The following STK32A variants were observed in gnomAD, a reference collection of about 807,000 sequenced individuals.
STK32A encodes the protein serine/threonine kinase 32A.
Under a neutral mutation model 53.2 loss-of-function variants are expected in STK32A, and 41 were observed. That is an observed-to-expected ratio of 0.77 (90% CI 0.60 to 1.00). STK32A has a LOEUF of 1.00. Ranked by LOEUF, STK32A falls within the 50% of genes least tolerant of loss-of-function variation. STK32A has a pLI of 0.00. For missense variants in STK32A, 458 were observed against 485.8 expected (o/e 0.94, Z 0.54); for synonymous variants, 166 against 162.8 (o/e 1.02, Z -0.15).
chr5:147,236,601 T>C (rs1461363955), intron 1 of STK32A, among the ~76,000 whole-genome samples: 1 of 152,126 alleles, frequency 6.6e-6, no homozygotes, highest in African/African-American at 2.4e-5. Flanking sequence ...CTGGATTGTG[T>C]ATGTTAGGTG....
chr5:147,318,140 G>T (rs116218612), intron 4 of STK32A, among the ~76,000 whole-genome samples: 3,199 of 151,756 alleles, frequency 0.021, 111 homozygotes, highest in African/African-American at 0.074. Flanking sequence ...TCCTTTTTAT[G>T]TACCTAAGCA....
chr5:147,333,256 T>C (rs1754959542), intron 5 of STK32A, among the ~76,000 whole-genome samples: 1 of 152,198 alleles, frequency 6.6e-6, no homozygotes, highest in South Asian at 2.1e-4. Flanking sequence ...TTTTGACTTA[T>C]AAATTTTCAG....
At chr5:147,298,967 A>C (rs1295851693) in intron 4 of STK32A, among the ~76,000 whole-genome samples, 1 of 152,120 alleles carries the variant, frequency 6.6e-6, no homozygotes, top group African/African-American at 2.4e-5. Context: ...GGTTGGGTGA[A>C]CCAAGCTGTT....
rs1405187010 is a variant in STK32A at position 147,386,033 on chromosome 5, C to G, written c.*2050C>G. 6.6e-6 allele frequency: 1 copy of G among 152,202 alleles called. No homozygotes were observed. Among genetic ancestry groups the G allele is most frequent in the Non-Finnish European group, 1.5e-5 (1 of 68,036 alleles). 9.4% of individuals were successfully genotyped at this position (152,202 alleles called of 1,614,324 possible). ...ACTTCAGCTTGGCATTCACAGTTTT[C>G]TCTTCACTGAGCTAATAGGCCCAGA... On this transcript the variant is annotated 3_prime_UTR_variant, in exon 13 of 13. Transcript: ENST00000397936.
intron 4 of STK32A, among the ~76,000 whole-genome samples, chr5:147,295,995 T>C (rs545316643): frequency 6.6e-6 from 1 of 152,340 alleles, no homozygotes; most frequent in Non-Finnish European, 1.5e-5. Flanking sequence ...CAATGTTAAA[T>C]TTCTCATGAC....
At chr5:147,397,232 A>ACAAG in the STK32A span, among the ~76,000 whole-genome samples, 5 of 151,364 alleles carry the variant, frequency 3.3e-5, no homozygotes, top group Middle Eastern at 3.2e-3. Context: ...AATCAGAGAA[A>ACAAG]TAAAGTTTTA....
At chr5:147,311,375 T>C (rs1252535089) in intron 4 of STK32A, among the ~76,000 whole-genome samples, 5 of 152,176 alleles carry the variant, frequency 3.3e-5, no homozygotes, top group Admixed American at 1.3e-4. Context: ...CAAAAAATAT[T>C]TGTAAAATGA....
chr5:147,260,519 C>T (rs1212639798), intron 2 of STK32A, among the ~76,000 whole-genome samples: 6 of 151,928 alleles, frequency 3.9e-5, no homozygotes, highest in Non-Finnish European at 1.5e-5. Context: ...AGTTTCAACC[C>T]CTCAAACCAG....
chr5:147,332,459 G>A (rs908155194), intron 5 of STK32A, among the ~76,000 whole-genome samples: 1 of 151,856 alleles, frequency 6.6e-6, no homozygotes, highest in East Asian at 1.9e-4. Context: ...TGTCCAGTAT[G>A]AGAACATTTA....
intron 5 of STK32A, among the ~76,000 whole-genome samples, chr5:147,328,357 G>C (rs998270784): frequency 2.0e-5 from 3 of 152,182 alleles, no homozygotes; most frequent in Non-Finnish European, 4.4e-5. Flanking sequence ...CATAAATGGA[G>C]TTTTATTTTG....
chr5:147,289,393 C>T (rs1752495605), intron 4 of STK32A, among the ~76,000 whole-genome samples: 1 of 152,038 alleles, frequency 6.6e-6, no homozygotes, highest in Non-Finnish European at 1.5e-5. Context: ...CTGTGTAGGC[C>T]TCTCAATAAT....
chr5:147,279,137 T>A, intron 3 of STK32A, 110 bp from the exon 4 acceptor site: 1 of 987,002 alleles, frequency 1.0e-6, no homozygotes, highest in Non-Finnish European at 1.4e-6. Flanking sequence ...TCATATAATT[T>A]GCAAATGTTA....
the STK32A span, chr5:147,393,124 G>A: frequency 2.6e-5 from 4 of 152,198 alleles, no homozygotes; most frequent in African/African-American, 9.7e-5. Flanking sequence ...AGAGTGAGAG[G>A]TGACCTCGCC....
the STK32A span, chr5:147,401,522 G>A: frequency 5.0e-6 from 8 of 1,600,430 alleles, no homozygotes; most frequent in African/African-American, 4.0e-5. Context: ...GCCTGCTGCT[G>A]GGCATTCCTG....
At chr5:147,249,078 A>G (rs1753871369) in intron 2 of STK32A, among the ~76,000 whole-genome samples, 1 of 152,324 alleles carries the variant, frequency 6.6e-6, no homozygotes, top group South Asian at 2.1e-4. Context: ...TTCTTAGTCT[A>G]TGGTGGAAGA....
chr5:147,312,123 G>C (rs994186094), intron 4 of STK32A, among the ~76,000 whole-genome samples: 3 of 151,056 alleles, frequency 2.0e-5, no homozygotes, highest in Non-Finnish European at 4.4e-5. Flanking sequence ...TATTTGAGAT[G>C]GGGTTTCACT....
At chr5:147,346,033 T>A (rs1364528807) in intron 6 of STK32A, among the ~76,000 whole-genome samples, 1 of 152,212 alleles carries the variant, frequency 6.6e-6, no homozygotes, top group African/African-American at 2.4e-5. Context: ...AGTTATTTAC[T>A]TCGTTTGTTC....
chr5:147,305,328 G>C (rs932265181), intron 4 of STK32A, among the ~76,000 whole-genome samples: 4 of 152,100 alleles, frequency 2.6e-5, no homozygotes, highest in Admixed American at 6.5e-5. Flanking sequence ...AACTGAAGAG[G>C]CCAGGCTCCT....
intron 8 of STK32A, among the ~76,000 whole-genome samples, chr5:147,364,875 C>A (rs1278088572): frequency 6.6e-6 from 1 of 152,124 alleles, no homozygotes; most frequent in Non-Finnish European, 1.5e-5. Context: ...GGGATACATT[C>A]AGTCTGTAAC....
Sources: allele counts gnomAD v4.1 joint callset (sites outside exome capture counted in the v4.1 genomes callset), GRCh38; gene constraint gnomAD v4.1.1; transcripts MANE v1.5; gene names NCBI Gene and HGNC (gene_info 2026-07-23, HGNC 2026-07-21).